TRIM23: variants seen among roughly 807,000 people sequenced by gnomAD.
TRIM23 encodes tripartite motif containing 23, also known as E3 ubiquitin-protein ligase TRIM23.
TRIM23 carries 27 observed loss-of-function variants against 71.0 expected under a neutral mutation model. The observed-to-expected ratio is 0.38, with a 90% CI of 0.28 to 0.52. TRIM23 has a LOEUF of 0.52. TRIM23 is among the 20% of genes least tolerant of loss of function. The pLI, the probability that TRIM23 is intolerant of heterozygous loss-of-function variation, is 0.84. For synonymous variants in TRIM23, 234 were observed against 238.0 expected (o/e 0.98, Z 0.16); for missense variants, 482 against 692.3 (o/e 0.70, Z 3.41).
chr5:65,603,811 C>T lies in TRIM23; in HGVS notation c.1179+1100G>A, dbSNP rs545316716. On this transcript the variant is annotated intron_variant, in intron 7 of 10. Coordinates refer to ENST00000231524, the MANE Select transcript of TRIM23 (RefSeq NM_001656.4). ...TATCAACCAAATCCCAAGTATGAAA[C>T]TTTGCTTGGATTGTATCTAAAATAA... Among the ~76,000 whole-genome samples the T allele has an allele frequency of 1.7e-3, 260 of 152,176 alleles. 2 individuals are homozygous for T. Among genetic ancestry groups the T allele is most frequent in the African/African-American group, 6.0e-3 (250 of 41,532 alleles).
chr5:65,597,214 T>C (rs1190204891), intron 7 of TRIM23, 34 bp from the exon 8 acceptor site: 2 of 1,607,846 alleles, frequency 1.2e-6, no homozygotes, highest in East Asian at 2.2e-5. Flanking sequence ...ATGTTTGACA[T>C]GCAGTTAGAA....
At chr5:65,607,395 G>C (rs1754537711) in intron 6 of TRIM23, among the ~76,000 whole-genome samples, 1 of 152,166 alleles carries the variant, frequency 6.6e-6, no homozygotes, top group Non-Finnish European at 1.5e-5. Flanking sequence ...TATTGGGGCA[G>C]TTTCCCTCAT....
chr5:65,605,833 C>T (rs1754480831), intron 6 of TRIM23, among the ~76,000 whole-genome samples: 1 of 152,186 alleles, frequency 6.6e-6, no homozygotes, highest in African/African-American at 2.4e-5. Context: ...TAGTTGACAG[C>T]AATTCCACTG....
chr5:65,620,659 G>A (rs1267534438), intron 1 of TRIM23, among the ~76,000 whole-genome samples: 1 of 152,082 alleles, frequency 6.6e-6, no homozygotes, highest in Non-Finnish European at 1.5e-5. Flanking sequence ...TGGAACACTG[G>A]TTCCCCATGA....
chr5:65,591,269 A>G lies in TRIM23; in HGVS notation c.*500T>C, dbSNP rs956190748. ...AACATAAAGTAATCCTATTATCCAAATATGTAGTTTGGATTCTATTTCATT... is the reference window on the plus strand; with the variant it reads ...AACATAAAGTAATCCTATTATCCAAGTATGTAGTTTGGATTCTATTTCATT... On this transcript the variant is annotated 3_prime_UTR_variant, in exon 11 of 11. Transcript: ENST00000231524. 1 of 1,343,022 alleles carries G rather than the reference A, an allele frequency of 7.4e-7. No homozygotes were observed. Among genetic ancestry groups the G allele is most frequent in the African/African-American group, 1.6e-5 (1 of 64,256 alleles). The allele number at this position is 1,343,022 out of a possible 1,614,324, so 83.2% of individuals were successfully genotyped here.
At chr5:65,614,277 A>ACC (rs540611586) in intron 2 of TRIM23, 58 bp from the exon 3 acceptor site, 1 of 1,512,282 alleles carries the variant, frequency 6.6e-7, no homozygotes, top group South Asian at 1.1e-5. Flanking sequence ...TAATCATTTT[A>ACC]CCCATACCTC....
intron 6 of TRIM23, chr5:65,606,997 A>G (rs1754524964): frequency 6.6e-6 from 1 of 152,242 alleles, no homozygotes; most frequent in South Asian, 2.1e-4. Context: ...TTAGCTACTC[A>G]ATACATATTT....
At chr5:65,602,159 T>G (rs1425404583) in intron 7 of TRIM23, among the ~76,000 whole-genome samples, 4 of 152,196 alleles carry the variant, frequency 2.6e-5, no homozygotes, top group African/African-American at 9.7e-5. Flanking sequence ...TTTTCAAACT[T>G]TTACGCTCTG....
intron 9 of TRIM23, among the ~76,000 whole-genome samples, chr5:65,595,878 A>C (rs1754188123): frequency 6.6e-6 from 1 of 152,212 alleles, no homozygotes; most frequent in Non-Finnish European, 1.5e-5. Flanking sequence ...GGGGTCTATG[A>C]GGCAGAAGTG....
chr5:65,608,172 G>C (rs1754556173), intron 6 of TRIM23, among the ~76,000 whole-genome samples: 1 of 152,152 alleles, frequency 6.6e-6, no homozygotes, highest in Non-Finnish European at 1.5e-5. Context: ...TTAGAAACTT[G>C]CAGGAGTGGC....
chr5:65,591,646 T>TATATAG lies in TRIM23; in HGVS notation c.*122_*123insCTATAT. 1 of 405,576 alleles carries TATATAG rather than the reference T, an allele frequency of 2.5e-6. No individual in the cohort carries two copies. The highest frequency in any genetic ancestry group is 3.0e-6 in the Non-Finnish European group (1 of 333,950). The allele number at this position is 405,576 out of a possible 1,614,324, so 25.1% of individuals were successfully genotyped here. On this transcript the variant is annotated 3_prime_UTR_variant, in exon 11 of 11. Transcript: ENST00000231524. ...CTGAATTCCCAATCCAAGATTCCTTTATATATATATATATATATATGCATC... is the reference window on the plus strand; with the variant it reads ...CTGAATTCCCAATCCAAGATTCCTTTATATAGATATATATATATATATATATGCATC...
Position 65,594,583 on chromosome 5 carries a change from C to T in TRIM23, c.1483G>A (p.Ala495Thr). Residue 495 changes from alanine (A) to threonine (T), a missense_variant, in exon 10 of 11, where the codon GCA (alanine) becomes ACA (threonine). This residue lies in a region of TRIM23 where 307 missense variants were observed against 495.8 expected (regional missense o/e 0.62). Transcript: ENST00000231524. Reference protein sequence around the residue: ...DRISEAHSELAKLLTEKELRD... With the variant: ...DRISEAHSELTKLLTEKELRD... ...AGTTCTTTTTCCGTTAACAACTTTG[C>T]AAGTTCGCTGTGTGCTTCACTAATT... 1 of 1,612,154 alleles carries T rather than the reference C, an allele frequency of 6.2e-7. No homozygotes were observed. Among genetic ancestry groups the T allele is most frequent in the Non-Finnish European group, 8.5e-7 (1 of 1,179,312 alleles).
intron 10 of TRIM23, among the ~76,000 whole-genome samples, chr5:65,593,106 T>C (rs975383930): frequency 1.3e-5 from 2 of 152,104 alleles, no homozygotes; most frequent in Non-Finnish European, 2.9e-5. Context: ...TATTGCCAAA[T>C]TGTCCTCCAA....
chr5:65,603,066 G>A (rs1434284294), intron 7 of TRIM23, among the ~76,000 whole-genome samples: 1 of 152,130 alleles, frequency 6.6e-6, no homozygotes, highest in East Asian at 1.9e-4. Context: ...CCACAAAAAG[G>A]CAAATACTGT....
intron 6 of TRIM23, among the ~76,000 whole-genome samples, chr5:65,608,852 A>C (rs1754571668): frequency 6.6e-6 from 1 of 152,154 alleles, no homozygotes; most frequent in Admixed American, 6.5e-5. Flanking sequence ...AACAAATAGA[A>C]AGCTTCAAAG....
At chr5:65,602,441 T>C (rs141649980) in intron 7 of TRIM23, among the ~76,000 whole-genome samples, 25 of 152,308 alleles carry the variant, frequency 1.6e-4, no homozygotes, top group African/African-American at 5.5e-4. Flanking sequence ...GTCAAAGTCA[T>C]TCAACGAGTC....
At chr5:65,599,712 A>C (rs1402893267) in intron 7 of TRIM23, among the ~76,000 whole-genome samples, 2 of 152,218 alleles carry the variant, frequency 1.3e-5, no homozygotes, top group Admixed American at 6.5e-5. Context: ...AATCCCAATC[A>C]TGTTTTTTGT....
At chr5:65,611,226 T>C (rs1409533166) in intron 4 of TRIM23, among the ~76,000 whole-genome samples, 183 bp from the exon 5 acceptor site, 1 of 152,212 alleles carries the variant, frequency 6.6e-6, no homozygotes, top group East Asian at 1.9e-4. Flanking sequence ...TAATTTAAAA[T>C]TTGGAAGTCC....
chr5:65,597,073 GAATTCATC>G lies in TRIM23; in HGVS notation c.1279_1286del (p.Asp427HisfsTer10). On this transcript the variant is annotated frameshift_variant, in exon 8 of 11. Transcript: ENST00000231524. LOFTEE classifies it high-confidence loss of function. ...TACCAATTGTTGGAATGGGCTGCAT[GAATTCATC>G]CTGTTTTAACTTAAACAAGATAGTA... is the stretch of plus-strand genomic sequence containing the variant. 1 of 1,614,064 alleles carries G rather than the reference GAATTCATC, an allele frequency of 6.2e-7. No individual in the cohort carries two copies. The highest frequency in any genetic ancestry group is 1.1e-5 in the South Asian group (1 of 91,074).
Sources: gnomAD v4.1 joint callset for allele counts (sites outside exome capture counted in the v4.1 genomes callset) on GRCh38, gnomAD v4.1.1 for gene constraint, gnomAD v4.1.1 regional missense constraint, MANE v1.5 for transcripts, NCBI Gene and HGNC (gene_info 2026-07-23, HGNC 2026-07-21) for gene names.